CDKL2: variants seen among roughly 807,000 people sequenced by gnomAD.
CDKL2 encodes the protein cyclin dependent kinase like 2.
CDKL2 carries 64 observed loss-of-function variants against 63.9 expected under a neutral mutation model. The ratio of observed to expected loss-of-function variants is 1.00; its 90% CI spans 0.82 to 1.23. CDKL2 has a LOEUF of 1.23. Ranked by LOEUF, CDKL2 falls within the 50% of genes most tolerant of loss-of-function variation. The pLI is 0.00. For synonymous variants in CDKL2, 211 were observed against 229.2 expected, an observed-to-expected ratio of 0.92 and a Z score of 0.72; for missense variants, 656 against 668.0, an observed-to-expected ratio of 0.98 and a Z score of 0.20.
At chr4:75,593,430 T>G (rs1419248613) in intron 10 of CDKL2, among the ~76,000 whole-genome samples, 1 of 152,108 alleles carries the variant, frequency 6.6e-6, no homozygotes, top group Non-Finnish European at 1.5e-5. Flanking sequence ...GGCTTAGCTC[T>G]GCTTGCATTA....
In CDKL2 at chr4:75,600,386, A is replaced by T; in HGVS notation, c.796-17T>A. ...TAAGCATTTCTGAAAAATTAAGAACACTTAGAGTTCATATCAAGAAAAACT... is the reference window on the plus strand; with the variant it reads ...TAAGCATTTCTGAAAAATTAAGAACTCTTAGAGTTCATATCAAGAAAAACT... On this transcript the variant is annotated splice_polypyrimidine_tract_variant and intron_variant, in intron 6 of 13. Coordinates refer to ENST00000307465, the MANE Select transcript of CDKL2 (RefSeq NM_001330724.2). The T allele has an allele frequency of 6.6e-7, 1 of 1,510,292 alleles. No individual in the cohort carries two copies. The highest frequency in any genetic ancestry group is 9.2e-7 in the Non-Finnish European group (1 of 1,091,942). 93.6% of individuals were successfully genotyped at this position (1,510,292 alleles called of 1,614,324 possible). A position where few individuals can be genotyped will look rare whatever the true frequency, so the allele number is the denominator to read the frequency against.
At chr4:75,610,401 T>G (rs538271550) in intron 3 of CDKL2, among the ~76,000 whole-genome samples, 14 of 152,150 alleles carry the variant, frequency 9.2e-5, no homozygotes, top group African/African-American at 3.1e-4. Flanking sequence ...AGTAACACAA[T>G]AGATTCTAAG....
In CDKL2 at chr4:75,614,402, T is replaced by C. The variant is rs780284478; in HGVS notation, c.216A>G (p.Lys72=). ...CAAAGACTAGGTACCATCGTTTTTT[T>C]TTCTTACACACTTCCAAGAGATTCA... is the stretch of plus-strand genomic sequence containing the variant. ...NLVNLLEVCK[K]KKRWYLVFEF... Residue 72 remains lysine, a synonymous_variant, in exon 3 of 14, where the codon AAA becomes AAG. Transcript: ENST00000307465. 4 of 1,598,144 alleles carry C rather than the reference T, an allele frequency of 2.5e-6. No homozygotes were observed. Among genetic ancestry groups the C allele is most frequent in the Non-Finnish European group, 3.4e-6 (4 of 1,170,322 alleles).
intron 12 of CDKL2, among the ~76,000 whole-genome samples, chr4:75,589,396 C>T (rs1728608286): frequency 6.7e-6 from 1 of 149,200 alleles, no homozygotes; most frequent in Non-Finnish European, 1.5e-5. Context: ...GCTCCGCCTC[C>T]CGGGTTCACG....
intron 3 of CDKL2, among the ~76,000 whole-genome samples, chr4:75,610,817 ATG>A (rs1371310640): frequency 2.0e-5 from 3 of 152,104 alleles, no homozygotes; most frequent in Non-Finnish European, 4.4e-5. Context: ...GTGTACATAT[ATG>A]TGTTTATATA....
chr4:75,626,394 C>T (rs1730407369), intron 1 of CDKL2, among the ~76,000 whole-genome samples: 1 of 152,080 alleles, frequency 6.6e-6, no homozygotes, highest in Admixed American at 6.5e-5. Context: ...AGACCGGGCG[C>T]AGTGGCTCAC....
At chr4:75,603,122 C>T (rs537369121) in intron 6 of CDKL2, among the ~76,000 whole-genome samples, 15 of 149,992 alleles carry the variant, frequency 1.0e-4, no homozygotes, top group Non-Finnish European at 1.3e-4. Context: ...GCCTCAGCCT[C>T]CCCAGTAGCT....
At chr4:75,627,825 G>A (rs1238918430) in intron 1 of CDKL2, among the ~76,000 whole-genome samples, 1 of 131,018 alleles carries the variant, frequency 7.6e-6, no homozygotes, top group East Asian at 2.3e-4. Context: ...GCGATTCCCT[G>A]TTTCTGCCTC....
At position 75,630,440 on chromosome 4, in the gene CDKL2, G is replaced by A. The variant is rs1425899477; in HGVS notation, c.-428C>T. On this transcript the variant is annotated 5_prime_UTR_variant, in exon 1 of 14. Coordinates refer to ENST00000307465, the MANE Select transcript of CDKL2 (RefSeq NM_001330724.2). The stretch of plus-strand genomic sequence containing the variant: ...GCTGGGTGAGAGGCACCACCTCCCA[G>A]CTCGTAAGGCGCCCAGTACCTGGAG... 1 of 152,458 alleles carries A rather than the reference G, an allele frequency of 6.6e-6. No homozygotes were observed. The highest frequency in any genetic ancestry group is 2.4e-5 in the African/African-American group (1 of 41,466). The allele number at this position is 152,458 out of a possible 1,614,324, so 9.4% of individuals were successfully genotyped here.
intron 12 of CDKL2, among the ~76,000 whole-genome samples, chr4:75,584,414 AG>A (rs1341208266): frequency 6.6e-6 from 1 of 152,204 alleles, no homozygotes; most frequent in Admixed American, 6.5e-5. Context: ...CAACAACCCA[AG>A]TGAACCTGGA....
At position 75,603,871 on chromosome 4, in the gene CDKL2, TTC is replaced by T. The variant is rs1312144640; in HGVS notation, c.739_740del (p.Glu247ThrfsTer3). On this transcript the variant is annotated frameshift_variant, in exon 6 of 14. Coordinates refer to ENST00000307465, the MANE Select transcript of CDKL2 (RefSeq NM_001330724.2). LOFTEE classifies it high-confidence loss of function. ...GVRLPEIKER[E>X]PLERRYPKLS... ...GCTTAGGATAGCGTCTTTCAAGAGG[TTC>T]TCTTTCCTTGATTTCAGGCAACCTT... 1.2e-6 allele frequency: 2 copies of T among 1,613,602 alleles called. No homozygotes were observed. Among genetic ancestry groups the T allele is most frequent in the South Asian group, 2.2e-5 (2 of 91,002 alleles).
chr4:75,582,904 A>G (rs927180906), intron 12 of CDKL2, among the ~76,000 whole-genome samples: 3 of 152,220 alleles, frequency 2.0e-5, no homozygotes, highest in Admixed American at 2.0e-4. Context: ...GCTGGGAGGA[A>G]AAACAAAAAC....
chr4:75,587,089 GAA>G (rs1728510295), intron 12 of CDKL2, among the ~76,000 whole-genome samples: 1 of 152,136 alleles, frequency 6.6e-6, no homozygotes. Context: ...TACTGATCAA[GAA>G]AAAGAAAGTG....
intron 10 of CDKL2, among the ~76,000 whole-genome samples, chr4:75,595,065 T>C (rs1394061655): frequency 6.6e-6 from 1 of 152,174 alleles, no homozygotes; most frequent in African/African-American, 2.4e-5. Flanking sequence ...AAATACAATA[T>C]GATACTATGC....
At chr4:75,611,177 G>A (rs1230023760) in intron 3 of CDKL2, among the ~76,000 whole-genome samples, 1 of 152,118 alleles carries the variant, frequency 6.6e-6, no homozygotes, top group African/African-American at 2.4e-5. Flanking sequence ...AGTAAATGGA[G>A]GCTGGGCACA....
At chr4:75,623,533 T>G (rs1396967293) in intron 2 of CDKL2, among the ~76,000 whole-genome samples, 3 of 152,134 alleles carry the variant, frequency 2.0e-5, no homozygotes, top group Non-Finnish European at 4.4e-5. Context: ...TATTAGATAA[T>G]TAGACTTTAA....
chr4:75,597,096 T>G lies in CDKL2; in HGVS notation c.1161A>C (p.Lys387Asn), dbSNP rs766451774. 5 of 1,614,168 alleles carry G rather than the reference T, an allele frequency of 3.1e-6. No individual in the cohort carries two copies. The highest frequency in any genetic ancestry group is 4.2e-6 in the Non-Finnish European group (5 of 1,180,024). Reference protein sequence around the residue: ...CLHDSRTSHNKIVPSTSLKDC... With the variant: ...CLHDSRTSHNNIVPSTSLKDC... ...CTTTGAGGCTTGTTGAAGGCACTAT[T>G]TTGTTGTGGCTTGTCCTACTGTCAT... Residue 387 changes from lysine to asparagine, a missense_variant, in exon 9 of 14, where the codon AAA becomes AAC. Coordinates refer to ENST00000307465, the MANE Select transcript of CDKL2 (RefSeq NM_001330724.2).
chr4:75,586,227 CT>C (rs61087984), intron 12 of CDKL2, among the ~76,000 whole-genome samples: 62,636 of 145,152 alleles, frequency 0.43, 14,594 homozygotes, highest in African/African-American at 0.62. Flanking sequence ...ACTAACCTTT[CT>C]TTTTTTTTTT....
In CDKL2 at chr4:75,585,110, C is replaced by T. The variant is rs148623125; in HGVS notation, c.1648-3212G>A. Reference sequence around the variant, plus strand: ...AAGTAAATGAAATCAACAAGATTTACTATGCAAACATACGTATAAGAAGTT... The same window carrying T: ...AAGTAAATGAAATCAACAAGATTTATTATGCAAACATACGTATAAGAAGTT... On this transcript the variant is annotated intron_variant, in intron 12 of 13. Coordinates refer to ENST00000307465, the MANE Select transcript of CDKL2 (RefSeq NM_001330724.2). Among the ~76,000 whole-genome samples, 47 of 152,118 alleles carry T rather than the reference C, an allele frequency of 3.1e-4. No homozygotes were observed. The East Asian group carries it at 7.9e-3, about 26-fold the overall frequency.
Sources: gnomAD v4.1 joint callset for allele counts (sites outside exome capture counted in the v4.1 genomes callset) on GRCh38, gnomAD v4.1.1 for gene constraint, MANE v1.5 for transcripts, NCBI Gene and HGNC (gene_info 2026-07-23, HGNC 2026-07-21) for gene names.